The following DGCR2 variants were observed in gnomAD, a reference collection of about 807,000 sequenced individuals.
DGCR2 encodes the protein DiGeorge syndrome critical region gene 2.
A neutral mutation model predicts 51.6 loss-of-function variants in DGCR2; 24 were observed. The observed-to-expected ratio is 0.47, with a 90% CI of 0.34 to 0.65. The LOEUF (loss-of-function observed/expected upper bound fraction) is 0.65. Ranked by LOEUF, DGCR2 falls within the 30% of genes least tolerant of loss-of-function variation. The pLI, the probability that DGCR2 is intolerant of heterozygous loss-of-function variation, is 0.01. For synonymous variants in DGCR2, 340 were observed against 315.4 expected (o/e 1.08, Z -0.82); for missense variants, 765 against 772.1 (o/e 0.99, Z 0.11).
At chr22:19,065,485 T>A (rs2082738147) in intron 3 of DGCR2, among the ~76,000 whole-genome samples, 1 of 152,092 alleles carries the variant, frequency 6.6e-6, no homozygotes, top group Non-Finnish European at 1.5e-5. Flanking sequence ...CTTTTCTACT[T>A]ACATGAGCAT....
chr22:19,122,003 GC>G, intron 1 of DGCR2, 124 bp downstream of exon 1: 1 of 547,794 alleles, frequency 1.8e-6, no homozygotes, highest in Non-Finnish European at 2.6e-6. Flanking sequence ...CGCGAGCCAG[GC>G]CCCGCCCGCC....
chr22:19,111,122 A>G lies in DGCR2; in HGVS notation c.79+11006T>C, dbSNP rs377640120. 1.4e-4 allele frequency among the ~76,000 whole-genome samples: 21 copies of G among 152,344 alleles called. No homozygotes were observed. In the East Asian group the frequency reaches 3.3e-3, roughly 24 times the overall value. ...AACCCACAAAGTCCGTCCATACAAA[A>G]GAAGGTGACACTCTAATAAGCCTCC... On this transcript the variant is annotated intron_variant, in intron 1 of 9. Transcript: ENST00000263196.
rs1336610399 is a variant in DGCR2, at chr22:19,056,977, G to GGTAA, written c.802+8_802+9insTTAC. 6.4e-7 allele frequency: 1 copy of GGTAA among 1,571,960 alleles called. No homozygotes were observed. Among genetic ancestry groups the GGTAA allele is most frequent in the East Asian group, 2.3e-5 (1 of 43,490 alleles). On this transcript the variant is annotated intron_variant, in intron 6 of 9. Transcript: ENST00000263196. Reference sequence around the variant, plus strand: ...CATTCCCCAAGAACGCCAGCTCAAGGGGGCTTACTTCTTTTACACAGAAAT... The same window carrying GGTAA: ...CATTCCCCAAGAACGCCAGCTCAAGGGTAAGGGCTTACTTCTTTTACACAGAAAT...
Position 19,057,595 on chromosome 22 carries a change from A to C in DGCR2, c.626-433T>G, listed in dbSNP as rs2082617580. ...TCCCTTAGGACAGCACACTCAGATA[A>C]ACAGAAGACTTACAAAGTCCACCCA... On this transcript the variant is annotated intron_variant, in intron 5 of 9. Coordinates refer to ENST00000263196, the MANE Select transcript of DGCR2 (RefSeq NM_005137.3). This position sits in a 1 kb window ranked among gnomAD's most constrained non-coding sequence, Gnocchi z 5.1. 6.6e-6 allele frequency among the ~76,000 whole-genome samples: 1 copy of C among 152,210 alleles called. No homozygotes were observed. Among genetic ancestry groups the C allele is most frequent in the Non-Finnish European group, 1.5e-5 (1 of 68,032 alleles).
At position 19,062,763 on chromosome 22, in the gene DGCR2, A is replaced by G. The variant is rs538094754; in HGVS notation, c.625+439T>C. 3.1e-4 allele frequency among the ~76,000 whole-genome samples: 41 copies of G among 130,480 alleles called. 1 individual carries two copies. Among genetic ancestry groups the G allele is most frequent in the African/African-American group, 1.0e-3 (38 of 38,176 alleles). 85.6% of individuals were successfully genotyped at this position (130,480 alleles called of 152,430 possible). A position where few individuals can be genotyped will look rare whatever the true frequency, so the allele number is the denominator to read the frequency against. On this transcript the variant is annotated intron_variant, in intron 5 of 9. Transcript: ENST00000263196. ...CTCCGCATAAAATCTTTGCGCACACACACACATGCATGCTCACTCTCTCTC... is the reference window on the plus strand; with the variant it reads ...CTCCGCATAAAATCTTTGCGCACACGCACACATGCATGCTCACTCTCTCTC...
At chr22:19,070,475 A>C (rs544056669) in intron 2 of DGCR2, among the ~76,000 whole-genome samples, 5 of 152,334 alleles carry the variant, frequency 3.3e-5, no homozygotes, top group Admixed American at 2.6e-4. Context: ...CCCCAAGCCA[A>C]GCACAGTACC....
Position 19,041,967 on chromosome 22 carries a change from G to A in DGCR2, c.1007-8C>T, listed in dbSNP as rs1159516512. The A allele has an allele frequency of 6.2e-7, 1 of 1,611,142 alleles. No individual in the cohort carries two copies. Among genetic ancestry groups the A allele is most frequent in the Non-Finnish European group, 8.5e-7 (1 of 1,179,024 alleles). On this transcript the variant is annotated splice_polypyrimidine_tract_variant and splice_region_variant and intron_variant, in intron 7 of 9. Transcript: ENST00000263196. ...CAAACAGACTGTTGCCATCTGAGGG[G>A]GAGGGGAGGAAATGGCCGCTCTGAG...
intron 2 of DGCR2, among the ~76,000 whole-genome samples, chr22:19,069,233 G>A (rs1410569954): frequency 6.6e-6 from 1 of 152,240 alleles, no homozygotes; most frequent in Non-Finnish European, 1.5e-5. Flanking sequence ...CCCCAAGGGA[G>A]GTCACAGGGA....
intron 7 of DGCR2, among the ~76,000 whole-genome samples, chr22:19,044,781 T>TA (rs2082470802): frequency 6.6e-6 from 1 of 152,270 alleles, no homozygotes; most frequent in Admixed American, 6.5e-5. Flanking sequence ...TCTTCTTTGA[T>TA]AAAGTTTAAT....
At chr22:19,059,639 C>T (rs1437652165) in intron 5 of DGCR2, among the ~76,000 whole-genome samples, 2 of 152,108 alleles carry the variant, frequency 1.3e-5, no homozygotes, top group Admixed American at 6.5e-5. Context: ...ATCCAGTCCT[C>T]ACCTCGACAG....
intron 3 of DGCR2, chr22:19,065,327 G>C: frequency 2.0e-6 from 1 of 493,386 alleles, no homozygotes; most frequent in Non-Finnish European, 3.7e-6. Context: ...CACTAGTCAA[G>C]AACGGCTGCT....
Position 19,122,148 on chromosome 22 carries a change from A to G in DGCR2, c.59T>C (p.Val20Ala). The G allele has an allele frequency of 6.6e-7, 1 of 1,504,106 alleles. No homozygotes were observed. The highest frequency in any genetic ancestry group is 8.9e-7 in the Non-Finnish European group (1 of 1,126,206). 93.2% of individuals were successfully genotyped at this position (1,504,106 alleles called of 1,614,324 possible). Reference protein sequence around the residue: ...FLLLFLLVLTVTEPLRPELRC... With the variant: ...FLLLFLLVLTATEPLRPELRC... ...CGCACCTGGCCGCAGCGGCTCGGTGACAGTGAGCACGAGCAGGAAGAGCAG... is the reference window on the plus strand; with the variant it reads ...CGCACCTGGCCGCAGCGGCTCGGTGGCAGTGAGCACGAGCAGGAAGAGCAG... The change falls in exon 1 of 10, where the codon GTC (valine) becomes GCC (alanine). Residue 20 changes from valine (V) to alanine (A), a missense_variant. Around this residue, in one of 3 missense-constraint regions of DGCR2, gnomAD observed 370 missense variants for 325.5 expected, o/e 1.14. Transcript: ENST00000263196.
intron 2 of DGCR2, among the ~76,000 whole-genome samples, chr22:19,084,365 G>A (rs893702906): frequency 5.3e-5 from 8 of 151,730 alleles, no homozygotes; most frequent in Admixed American, 2.6e-4. Flanking sequence ...ACCTCTGCCC[G>A]GCCACGACCC....
At chr22:19,073,588 C>G (rs915017584) in intron 2 of DGCR2, among the ~76,000 whole-genome samples, 1 of 152,136 alleles carries the variant, frequency 6.6e-6, no homozygotes, top group East Asian at 1.9e-4. Flanking sequence ...AGGAAGAAAA[C>G]AAGTTATGTT....
chr22:19,122,029 G>T, intron 1 of DGCR2, 99 bp downstream of exon 1: 3 of 788,482 alleles, frequency 3.8e-6, no homozygotes, highest in Non-Finnish European at 5.1e-6. Context: ...CCCCAGGCGC[G>T]GCCCCTGCAG....
intron 1 of DGCR2, among the ~76,000 whole-genome samples, chr22:19,109,178 T>G (rs1008528624): frequency 6.6e-6 from 1 of 152,210 alleles, no homozygotes; most frequent in Non-Finnish European, 1.5e-5. Context: ...TCAGAACTCA[T>G]GTACATCGTT....
At chr22:19,041,430 G>T in intron 8 of DGCR2, 136 bp from the exon 9 acceptor site, 1 of 793,324 alleles carries the variant, frequency 1.3e-6, no homozygotes, top group Non-Finnish European at 2.0e-6. Context: ...CCTACCCCTC[G>T]GCCACATTCG....
chr22:19,108,073 C>T (rs2083276770), intron 1 of DGCR2, among the ~76,000 whole-genome samples: 1 of 152,102 alleles, frequency 6.6e-6, no homozygotes, highest in Non-Finnish European at 1.5e-5. Flanking sequence ...TTGTACAGGA[C>T]ACAAGTGAGA....
At chr22:19,083,086 CAAAAAAAA>C (rs60335630) in intron 2 of DGCR2, among the ~76,000 whole-genome samples, 1 of 118,242 alleles carries the variant, frequency 8.5e-6, no homozygotes, top group Non-Finnish European at 1.8e-5. Flanking sequence ...GACCTTGTCT[CAAAAAAAA>C]AAAAAAAGAA....
Sources: allele counts gnomAD v4.1 joint callset (sites outside exome capture counted in the v4.1 genomes callset), GRCh38; gene constraint gnomAD v4.1.1; regional missense constraint gnomAD v4.1.1; non-coding constraint Gnocchi (gnomAD v3.1); transcripts MANE v1.5; gene names NCBI Gene and HGNC (gene_info 2026-07-23, HGNC 2026-07-21).